The following ZNF462 variants were observed in gnomAD, a reference collection of about 807,000 sequenced individuals.
The protein encoded by ZNF462 is zinc finger PBX1-interacting protein.
Under a neutral mutation model 201.9 loss-of-function variants are expected in ZNF462, and 10 were observed. The observed-to-expected ratio is 0.05, with a 90% confidence interval of 0.03 to 0.08. The LOEUF is 0.08. ZNF462 is among the 10% of genes least tolerant of loss of function. The probability of loss-of-function intolerance (pLI) is 1.00; values close to 1 mark genes in which losing one functional copy is unlikely to be tolerated. For synonymous variants in ZNF462, 1,227 were observed against 1,193.3 expected (o/e 1.03, Z -0.58); for missense variants, 2,523 against 3,168.3 (o/e 0.80, Z 4.89).
In ZNF462 at chr9:106,966,077, T is replaced by C. The variant is rs897979497; in HGVS notation, c.6428-5928T>C. ...TGGGCATTTACAATATCTTAAGTTA[T>C]CCACAGATAATATTCTGTTTCTAAT... is the stretch of plus-strand genomic sequence containing the variant. On this transcript the variant is annotated intron_variant, in intron 7 of 12. Transcript: ENST00000277225. The surrounding 1 kb of genome is among the most constrained non-coding windows in gnomAD (Gnocchi z 4.4). Among the ~76,000 whole-genome samples the C allele has an allele frequency of 3.3e-5, 5 of 152,112 alleles. No homozygotes were observed. Among genetic ancestry groups the C allele is most frequent in the African/African-American group, 1.2e-4 (5 of 41,432 alleles).
At chr9:106,949,303 A>G (rs1407479300) in intron 7 of ZNF462, among the ~76,000 whole-genome samples, 1 of 152,226 alleles carries the variant, frequency 6.6e-6, no homozygotes, top group African/African-American at 2.4e-5. Flanking sequence ...TGGGTAGGCC[A>G]TTCAATAGAT....
At position 106,970,953 on chromosome 9, in the gene ZNF462, C is replaced by T. The variant is rs1024241399; in HGVS notation, c.6428-1052C>T. 2.0e-5 allele frequency among the ~76,000 whole-genome samples: 3 copies of T among 151,946 alleles called. No homozygotes were observed. Among genetic ancestry groups the T allele is most frequent in the African/African-American group, 7.3e-5 (3 of 41,348 alleles). ...GGTTAAGATTTGTGCCTGTCATTTC[C>T]GACATTTTCCTCAGAATCGCAAACT... On this transcript the variant is annotated intron_variant, in intron 7 of 12. Transcript: ENST00000277225. The surrounding 1 kb of genome is among the most constrained non-coding windows in gnomAD (Gnocchi z 4.2).
upstream of ZNF462, among the ~76,000 whole-genome samples, chr9:106,860,232 C>T: frequency 6.6e-6 from 1 of 152,228 alleles, no homozygotes; most frequent in East Asian, 1.9e-4. The surrounding 1 kb of genome is among the most constrained non-coding windows in gnomAD (Gnocchi z 7.1). Context: ...GAAAGGGCGG[C>T]AGCCCGTTTA....
intron 7 of ZNF462, among the ~76,000 whole-genome samples, chr9:106,945,684 C>T (rs534700384): frequency 1.3e-5 from 2 of 152,312 alleles, no homozygotes; most frequent in Admixed American, 6.5e-5. Flanking sequence ...CTAACCTTCT[C>T]TTTTTGACAT....
At chr9:106,979,610 C>T (rs965037254) in intron 9 of ZNF462, 1 of 151,420 alleles carries the variant, frequency 6.6e-6, no homozygotes, top group African/African-American at 2.5e-5. Flanking sequence ...GGGATACAGC[C>T]ATGAAGAGTC....
At chr9:106,957,326 TATTG>T (rs760990192) in intron 7 of ZNF462, among the ~76,000 whole-genome samples, 20 of 152,132 alleles carry the variant, frequency 1.3e-4, no homozygotes, top group Non-Finnish European at 2.4e-4. Flanking sequence ...CACACACATT[TATTG>T]ATTAAGTTTG....
chr9:107,009,841 T>A lies in ZNF462; in HGVS notation c.7313+173T>A, dbSNP rs1829820165. Reference sequence around the variant, plus strand: ...AAGTTTCTCCTTTTCTGTTGTTTTTTAAAATGGTCACCCAGCCGCAAGTCA... The same window carrying A: ...AAGTTTCTCCTTTTCTGTTGTTTTTAAAAATGGTCACCCAGCCGCAAGTCA... On this transcript the variant is annotated intron_variant, in intron 12 of 12. Coordinates refer to ENST00000277225, the MANE Select transcript of ZNF462 (RefSeq NM_021224.6). The surrounding 1 kb of genome is among the most constrained non-coding windows in gnomAD (Gnocchi z 6.1). 6.6e-6 allele frequency among the ~76,000 whole-genome samples: 1 copy of A among 152,132 alleles called. No homozygotes were observed. Among genetic ancestry groups the A allele is most frequent in the East Asian group, 1.9e-4 (1 of 5,184 alleles).
Position 106,924,971 on chromosome 9 carries a change from T to C in ZNF462, c.1059T>C (p.Asn353=), listed in dbSNP as rs1250158054. The change falls in exon 3 of 13, where the codon AAT becomes AAC. Residue 353 remains asparagine, a synonymous_variant. Coordinates refer to ENST00000277225, the MANE Select transcript of ZNF462 (RefSeq NM_021224.6). The surrounding 1 kb of genome is among the most constrained non-coding windows in gnomAD (Gnocchi z 6.2). ...AGATGAAGCCGAAGTCACCTCACAA[T>C]TCTGGTCTAGTTAACTTGACAGAGA... is the stretch of plus-strand genomic sequence containing the variant. The part of the protein sequence containing the change: ...YPQMKPKSPH[N]SGLVNLTERS... The C allele has an allele frequency of 6.2e-7, 1 of 1,614,206 alleles. No individual in the cohort carries two copies. Among genetic ancestry groups the C allele is most frequent in the Non-Finnish European group, 8.5e-7 (1 of 1,180,030 alleles).
chr9:106,974,013 T>G lies in ZNF462; in HGVS notation c.6696-124T>G, dbSNP rs966658092. ...GTCAACAAACATGATGAACAGATTTTTTTTTAGCCCCACAAGCAGGAGAGC... is the reference window on the plus strand; with the variant it reads ...GTCAACAAACATGATGAACAGATTTGTTTTTAGCCCCACAAGCAGGAGAGC... On this transcript the variant is annotated intron_variant, in intron 8 of 12. Coordinates refer to ENST00000277225, the MANE Select transcript of ZNF462 (RefSeq NM_021224.6). This position sits in a 1 kb window ranked among gnomAD's most constrained non-coding sequence, Gnocchi z 4.0. 23 of 1,296,150 alleles carry G rather than the reference T, an allele frequency of 1.8e-5. No homozygotes were observed. The highest frequency in any genetic ancestry group is 1.1e-6 in the Non-Finnish European group (1 of 934,490). 80.3% of individuals were successfully genotyped at this position (1,296,150 alleles called of 1,614,324 possible).
intron 1 of ZNF462, among the ~76,000 whole-genome samples, chr9:106,864,109 T>TCTCTCTCTCC (rs1564062922): frequency 2.6e-5 from 3 of 115,380 alleles, no homozygotes; most frequent in Admixed American, 9.3e-5. Flanking sequence ...TCTCTCTCTC[T>TCTCTCTCTCC]CCCTCTCCCC....
Position 106,974,627 on chromosome 9 carries a change from A to G in ZNF462, c.6832+354A>G, listed in dbSNP as rs551753470. 1.7e-4 allele frequency: 58 copies of G among 343,774 alleles called. 1 individual carries two copies. The highest frequency in any genetic ancestry group is 1.5e-3 in the South Asian group (57 of 38,220). 21.3% of individuals were successfully genotyped at this position (343,774 alleles called of 1,614,324 possible). A position where few individuals can be genotyped will look rare whatever the true frequency, so the allele number is the denominator to read the frequency against. On this transcript the variant is annotated intron_variant, in intron 9 of 12. Transcript: ENST00000277225. This position sits in a 1 kb window ranked among gnomAD's most constrained non-coding sequence, Gnocchi z 4.0. ...AAACAAAATGGGTGGGTGAAAGCAA[A>G]TGTGAAATGTGGAGAGCTCTATGGC...
At position 106,925,876 on chromosome 9, in the gene ZNF462, T is replaced by TGAA. The variant is rs745938942; in HGVS notation, c.1968_1970dup (p.Lys657dup). ...AGCCACCCCTCTTCCAGCAACACTG[T>TGAA]GAAGAAAAGTCAGACCTCAATTCTT... On this transcript the variant is annotated inframe_insertion, in exon 3 of 13. Transcript: ENST00000277225. This position sits in a 1 kb window ranked among gnomAD's most constrained non-coding sequence, Gnocchi z 7.9. The TGAA allele has an allele frequency of 6.2e-7, 1 of 1,614,138 alleles. No homozygotes were observed. Among genetic ancestry groups the TGAA allele is most frequent in the Non-Finnish European group, 8.5e-7 (1 of 1,180,028 alleles).
intron 7 of ZNF462, among the ~76,000 whole-genome samples, chr9:106,947,924 G>C (rs1831178802): frequency 6.6e-6 from 1 of 152,180 alleles, no homozygotes; most frequent in African/African-American, 2.4e-5. Context: ...TTGATATTTG[G>C]AGCTTAAGTT....
rs1289369707 is a variant in ZNF462 at position 107,005,323 on chromosome 9, C to G, written c.7189+1897C>G. On this transcript the variant is annotated intron_variant, in intron 11 of 12. Transcript: ENST00000277225. This position sits in a 1 kb window ranked among gnomAD's most constrained non-coding sequence, Gnocchi z 4.4. The stretch of plus-strand genomic sequence containing the variant: ...CATAACGGGTGTACTAATTTGCAGT[C>G]CCACCAACAATGCAACAGGAGTTCG... Among the ~76,000 whole-genome samples, 1 of 152,132 alleles carries G rather than the reference C, an allele frequency of 6.6e-6. No homozygotes were observed. Among genetic ancestry groups the G allele is most frequent in the Non-Finnish European group, 1.5e-5 (1 of 68,026 alleles).
rs998439926 is a variant in ZNF462 at position 106,970,348 on chromosome 9, G to A, written c.6428-1657G>A. Among the ~76,000 whole-genome samples the A allele has an allele frequency of 4.6e-5, 7 of 152,158 alleles. No individual in the cohort carries two copies. The highest frequency in any genetic ancestry group is 1.0e-4 in the Non-Finnish European group (7 of 68,030). ...GAATATGAATTGAGGAGGCGGGGAG[G>A]AGAACAAGAAGGGGAAGATATTTGA... On this transcript the variant is annotated intron_variant, in intron 7 of 12. Transcript: ENST00000277225. The surrounding 1 kb of genome is among the most constrained non-coding windows in gnomAD (Gnocchi z 4.2).
At chr9:107,004,047 ATAAT>A (rs1829381217) in intron 11 of ZNF462, among the ~76,000 whole-genome samples, 1 of 152,220 alleles carries the variant, frequency 6.6e-6, no homozygotes, top group South Asian at 2.1e-4. Flanking sequence ...CTGTGAGTCT[ATAAT>A]TATTTCAAAA....
At chr9:107,000,628 C>T (rs1375531804) in intron 10 of ZNF462, among the ~76,000 whole-genome samples, 1 of 152,042 alleles carries the variant, frequency 6.6e-6, no homozygotes, top group Non-Finnish European at 1.5e-5. Context: ...CTTTTAATTG[C>T]CTAGCAAAGA....
At chr9:106,937,747 T>C (rs1254527793) in intron 6 of ZNF462, among the ~76,000 whole-genome samples, 1 of 152,148 alleles carries the variant, frequency 6.6e-6, no homozygotes, top group East Asian at 1.9e-4. Context: ...TTTATGTTAT[T>C]ATAAACTCCA....
chr9:106,888,028 T>G (rs1385271963), intron 1 of ZNF462, among the ~76,000 whole-genome samples: 1 of 151,572 alleles, frequency 6.6e-6, no homozygotes, highest in African/African-American at 2.4e-5. Flanking sequence ...TGATAGCTGT[T>G]CTGTAAATGT....
Sources: gnomAD v4.1 joint callset for allele counts (sites outside exome capture counted in the v4.1 genomes callset) on GRCh38, gnomAD v4.1.1 for gene constraint, Gnocchi (gnomAD v3.1) non-coding constraint, MANE v1.5 for transcripts, NCBI Gene and HGNC (gene_info 2026-07-23, HGNC 2026-07-21) for gene names.